The following LANCL3 variants were observed in gnomAD, a reference collection of about 807,000 sequenced individuals.
LANCL3 encodes LanC like family member 3.
In LANCL3, 19 loss-of-function variants were observed where a neutral mutation model predicts 26.5. The ratio of observed to expected loss-of-function variants is 0.72; its 90% CI spans 0.50 to 1.05. The LOEUF (loss-of-function observed/expected upper bound fraction) is 1.05. Ranked by LOEUF, LANCL3 falls within the 50% of genes least tolerant of loss-of-function variation. LANCL3 has a pLI of 0.00. For missense variants in LANCL3, 318 were observed against 362.7 expected (o/e 0.88, Z 1.00); for synonymous variants, 160 against 166.6 (o/e 0.96, Z 0.30).
intron 1 of LANCL3, among the ~76,000 whole-genome samples, chrX:37,639,791 C>T (rs1805570988): frequency 9.1e-6 from 1 of 109,865 alleles, no homozygotes; most frequent in African/African-American, 3.3e-5. Context: ...CTCTTACTTC[C>T]CCCAAAGTCT....
intron 1 of LANCL3, among the ~76,000 whole-genome samples, chrX:37,577,110 G>A (rs782194917): frequency 1.8e-5 from 2 of 112,013 alleles, no homozygotes; most frequent in South Asian, 3.8e-4. Flanking sequence ...TAAAAAGATC[G>A]CCCTGGTTTT....
chrX:37,633,381 C>T (rs1467830783), intron 1 of LANCL3, among the ~76,000 whole-genome samples: 1 of 111,251 alleles, frequency 9.0e-6, no homozygotes, highest in Non-Finnish European at 1.9e-5. Context: ...TGAATTTCTT[C>T]CTGTAGCTCG....
intron 1 of LANCL3, among the ~76,000 whole-genome samples, chrX:37,628,697 G>A (rs1428628987): frequency 2.0e-5 from 2 of 102,114 alleles, no homozygotes; most frequent in Admixed American, 2.2e-4. Flanking sequence ...AACATGTGGT[G>A]TTTGGTTTTT....
At chrX:37,610,722 A>G (rs1453593334) in intron 1 of LANCL3, among the ~76,000 whole-genome samples, 1 of 112,306 alleles carries the variant, frequency 8.9e-6, no homozygotes, top group African/African-American at 3.2e-5. Context: ...ATTAAATAAG[A>G]GAAGCAGAAG....
At chrX:37,584,673 A>G (rs1569461411) in intron 1 of LANCL3, among the ~76,000 whole-genome samples, 1 of 111,109 alleles carries the variant, frequency 9.0e-6, no homozygotes, top group Non-Finnish European at 1.9e-5. Flanking sequence ...TATCCCCTTT[A>G]TCATTTTTTA....
intron 1 of LANCL3, among the ~76,000 whole-genome samples, chrX:37,627,058 T>C (rs1925334637): frequency 8.9e-6 from 1 of 111,921 alleles, no homozygotes; most frequent in African/African-American, 3.2e-5. Flanking sequence ...TGATTTTCTA[T>C]AGAAAAAATG....
At chrX:37,651,668 T>C (rs1240456660) in intron 1 of LANCL3, among the ~76,000 whole-genome samples, 1 of 110,904 alleles carries the variant, frequency 9.0e-6, no homozygotes, top group Non-Finnish European at 1.9e-5. Flanking sequence ...TTGTTACATA[T>C]GTATACATGC....
intron 1 of LANCL3, among the ~76,000 whole-genome samples, chrX:37,627,980 T>A (rs1473209918): frequency 8.9e-6 from 1 of 111,976 alleles, no homozygotes; most frequent in Non-Finnish European, 1.9e-5. Context: ...CTGGTGATCT[T>A]TGTCAAACTC....
chrX:37,573,941 A>G (rs1311986761), intron 1 of LANCL3, among the ~76,000 whole-genome samples: 3 of 105,049 alleles, frequency 2.9e-5, no homozygotes, highest in African/African-American at 1.1e-4. Context: ...CAAGACATCT[A>G]TTAAGACCTC....
Position 37,675,966 on chromosome X carries a change from G to A in LANCL3, c.*153G>A, listed in dbSNP as rs1926793288. ...GGCAGGTGAAGGCAACATGATGCCA[G>A]ATTTGAGAAAGGATCTGCAAAATAA... On this transcript the variant is annotated 3_prime_UTR_variant, in exon 5 of 5. Transcript: ENST00000378619. 2 of 347,478 alleles carry A rather than the reference G, an allele frequency of 5.8e-6. No individual in the cohort carries two copies. Among genetic ancestry groups the A allele is most frequent in the Admixed American group, 1.1e-4 (2 of 17,398 alleles). 28.6% of individuals were successfully genotyped at this position (347,478 alleles called of 1,213,427 possible).
rs1313336783 is a variant in LANCL3, at chrX:37,600,803, C to T, written c.573+28360C>T. ...ATATCTGTGTTCCTGGTCTGAGGAC[C>T]AAGTGTTAAGTGACAGGATGCGAAA... On this transcript the variant is annotated intron_variant, in intron 1 of 4. Coordinates refer to ENST00000378619, the MANE Select transcript of LANCL3 (RefSeq NM_001170331.2). Among the ~76,000 whole-genome samples the T allele has an allele frequency of 2.7e-5, 3 of 111,450 alleles. No homozygotes were observed. In the Admixed American group the frequency reaches 2.9e-4, roughly 11 times the overall value.
Position 37,594,894 on chromosome X carries a change from G to A in LANCL3, c.573+22451G>A, listed in dbSNP as rs1321852910. Among the ~76,000 whole-genome samples the A allele has an allele frequency of 2.7e-5, 3 of 111,788 alleles. No individual in the cohort carries two copies. The East Asian group carries it at 8.3e-4, about 31-fold the overall frequency. On this transcript the variant is annotated intron_variant, in intron 1 of 4. Transcript: ENST00000378619. The stretch of plus-strand genomic sequence containing the variant: ...AGAACATAATAAAAGGACTGGTAGT[G>A]CAATGCTGGAGACAAGCATGTATGG...
chrX:37,574,211 C>A (rs1348601454), intron 1 of LANCL3, among the ~76,000 whole-genome samples: 2 of 110,920 alleles, frequency 1.8e-5, no homozygotes, highest in African/African-American at 6.6e-5. Flanking sequence ...GCATGCCAGG[C>A]TGGAAGCCCT....
chrX:37,640,129 G>A (rs193084676), intron 1 of LANCL3, among the ~76,000 whole-genome samples: 2 of 112,193 alleles, frequency 1.8e-5, no homozygotes, highest in African/African-American at 3.2e-5. Flanking sequence ...CATGATATGA[G>A]TTTATTCAGA....
At chrX:37,666,418 T>C (rs1211542412) in intron 3 of LANCL3, among the ~76,000 whole-genome samples, 1 of 112,080 alleles carries the variant, frequency 8.9e-6, no homozygotes, top group Admixed American at 9.5e-5. Flanking sequence ...TCTACAGAGT[T>C]GTAAAATAGC....
At chrX:37,624,222 G>A (rs1195922592) in intron 1 of LANCL3, among the ~76,000 whole-genome samples, 5 of 111,546 alleles carry the variant, frequency 4.5e-5, no homozygotes, top group Non-Finnish European at 7.5e-5. Context: ...CCCACAAATC[G>A]CCTGTGCTAT....
chrX:37,573,020 T>A (rs782166877), intron 1 of LANCL3, among the ~76,000 whole-genome samples: 4 of 112,313 alleles, frequency 3.6e-5, no homozygotes, highest in African/African-American at 1.3e-4. Flanking sequence ...AATACATAAA[T>A]GTAGACGGAA....
intron 1 of LANCL3, among the ~76,000 whole-genome samples, 181 bp from the exon 2 acceptor site, chrX:37,655,507 C>T (rs1474472782): frequency 8.9e-6 from 1 of 112,015 alleles, no homozygotes; most frequent in Non-Finnish European, 1.9e-5. Flanking sequence ...GTAGGTTTGA[C>T]AACTTGACAA....
intron 1 of LANCL3, among the ~76,000 whole-genome samples, chrX:37,578,556 A>G (rs1569460776): frequency 8.9e-6 from 1 of 112,575 alleles, no homozygotes; most frequent in Non-Finnish European, 1.9e-5. Context: ...GATATTAACT[A>G]TTAATTAAGA....
Sources: gnomAD v4.1 joint callset for allele counts (sites outside exome capture counted in the v4.1 genomes callset) on GRCh38, gnomAD v4.1.1 for gene constraint, MANE v1.5 for transcripts, NCBI Gene and HGNC (gene_info 2026-07-23, HGNC 2026-07-21) for gene names.